The following HS1BP3 variants were observed in gnomAD, a reference collection of about 807,000 sequenced individuals.
HS1BP3 encodes the protein HCLS1 binding protein 3.
HS1BP3 carries 32 observed loss-of-function variants against 33.5 expected under a neutral mutation model. That is an observed-to-expected ratio of 0.95 (90% CI 0.72 to 1.28). HS1BP3 has a LOEUF of 1.28. Among genes scored for constraint, HS1BP3 ranks in the 50% most tolerant of loss-of-function variants. The pLI is 0.00. For synonymous variants in HS1BP3, 187 were observed against 209.2 expected, an observed-to-expected ratio of 0.89 and a Z score of 0.92; for missense variants, 486 against 502.3, an observed-to-expected ratio of 0.97 and a Z score of 0.31.
At chr2:20,554,944 A>G in the HS1BP3 span, among the ~76,000 whole-genome samples, 2 of 152,114 alleles carry the variant, frequency 1.3e-5, no homozygotes, top group Non-Finnish European at 2.9e-5. Flanking sequence ...CACCGTGGCC[A>G]CCTTTCCAGC....
chr2:20,642,514 C>T (rs1382254027), intron 2 of HS1BP3, among the ~76,000 whole-genome samples: 2 of 152,230 alleles, frequency 1.3e-5, no homozygotes, highest in Non-Finnish European at 2.9e-5. Context: ...ACACAGGCTC[C>T]GACAGCAGCT....
chr2:20,565,233 G>A (rs893538826), intron 5 of HS1BP3, among the ~76,000 whole-genome samples: 9 of 152,182 alleles, frequency 5.9e-5, no homozygotes, highest in African/African-American at 2.2e-4. Flanking sequence ...GGGATAAAAT[G>A]GGGTGAGGCC....
chr2:20,591,760 C>T (rs2149279330), downstream of HS1BP3, among the ~76,000 whole-genome samples: 1 of 152,240 alleles, frequency 6.6e-6, no homozygotes, highest in East Asian at 1.9e-4. Flanking sequence ...GACGTGGTTT[C>T]ATCATGTTGG....
At chr2:20,561,641 G>C (rs1693000301) in intron 5 of HS1BP3, among the ~76,000 whole-genome samples, 1 of 152,130 alleles carries the variant, frequency 6.6e-6, no homozygotes, top group Admixed American at 6.5e-5. Flanking sequence ...ATTTTATTGT[G>C]GCCAAATGGT....
chr2:20,606,937 C>A (rs1558332016), intron 2 of HS1BP3, among the ~76,000 whole-genome samples: 2 of 151,506 alleles, frequency 1.3e-5, no homozygotes, highest in South Asian at 2.1e-4. Context: ...CTTGGAAGCA[C>A]AAAAGTTTTT....
chr2:20,561,654 T>C (rs756524357), intron 5 of HS1BP3, among the ~76,000 whole-genome samples: 7 of 152,234 alleles, frequency 4.6e-5, no homozygotes, highest in Non-Finnish European at 5.9e-5. Flanking sequence ...CAAATGGTTC[T>C]GCCCCTCCGT....
chr2:20,577,391 G>A (rs1446171565), intron 5 of HS1BP3, among the ~76,000 whole-genome samples: 2 of 152,152 alleles, frequency 1.3e-5, no homozygotes, highest in African/African-American at 2.4e-5. Context: ...GGCTGGGGAA[G>A]AGCATGATTC....
intron 5 of HS1BP3, among the ~76,000 whole-genome samples, chr2:20,576,160 T>C (rs1693394831): frequency 6.6e-6 from 1 of 152,186 alleles, no homozygotes; most frequent in Non-Finnish European, 1.5e-5. Flanking sequence ...CTTTTAGTTT[T>C]TGTAGAGATA....
At chr2:20,622,104 G>C (rs1208252351) in intron 6 of HS1BP3, 2 of 1,035,152 alleles carry the variant, frequency 1.9e-6, no homozygotes, top group Admixed American at 3.4e-5. Flanking sequence ...GCCTCGACCC[G>C]CTCAGTGTAC....
At chr2:20,582,736 G>T (rs1693563722) in intron 5 of HS1BP3, among the ~76,000 whole-genome samples, 1 of 152,160 alleles carries the variant, frequency 6.6e-6, no homozygotes, top group Non-Finnish European at 1.5e-5. Flanking sequence ...ACAGTGGGAG[G>T]ATTGTCATGG....
intron 5 of HS1BP3, among the ~76,000 whole-genome samples, chr2:20,578,457 A>G (rs538662255): frequency 1.9e-4 from 29 of 152,322 alleles, no homozygotes; most frequent in Non-Finnish European, 3.4e-4. Context: ...CAGTGATGAC[A>G]CCATCTTTGG....
chr2:20,650,206 C>G (rs1408588514), intron 1 of HS1BP3, among the ~76,000 whole-genome samples: 1 of 152,228 alleles, frequency 6.6e-6, no homozygotes, highest in Non-Finnish European at 1.5e-5. Context: ...GGCTGGGTAA[C>G]ACGTTCATTT....
intron 3 of HS1BP3, 58 bp downstream of exon 3, chr2:20,640,915 G>T: frequency 1.3e-6 from 2 of 1,543,510 alleles, no homozygotes; most frequent in Non-Finnish European, 1.8e-6. Flanking sequence ...GGGCACGGCA[G>T]CGGGGCCTAG....
At chr2:20,564,913 G>A (rs529929119) in intron 5 of HS1BP3, among the ~76,000 whole-genome samples, 172 of 152,338 alleles carry the variant, frequency 1.1e-3, no homozygotes, top group Admixed American at 3.1e-3. Flanking sequence ...AGGACTCAGA[G>A]GGTGGCATCA....
intron 5 of HS1BP3, among the ~76,000 whole-genome samples, chr2:20,575,736 C>T (rs1451006735): frequency 7.1e-6 from 1 of 141,786 alleles, no homozygotes; most frequent in Non-Finnish European, 1.5e-5. Flanking sequence ...GGCCTGGCAG[C>T]AACGCCTCTG....
At chr2:20,620,590 A>T (rs1694565376) in intron 6 of HS1BP3, among the ~76,000 whole-genome samples, 1 of 152,210 alleles carries the variant, frequency 6.6e-6, no homozygotes, top group Non-Finnish European at 1.5e-5. Flanking sequence ...ACAGCACTGC[A>T]GGAGGAGAAC....
rs1475171397 is a variant in HS1BP3, at chr2:20,638,532, A to G, written c.527T>C (p.Val176Ala). The G allele has an allele frequency of 6.2e-7, 1 of 1,614,084 alleles. No individual in the cohort carries two copies. The highest frequency in any genetic ancestry group is 8.5e-7 in the Non-Finnish European group (1 of 1,180,040). Residue 176 changes from valine to alanine, a missense_variant, in exon 4 of 7, where the codon GTG becomes GCG. By Grantham distance (64) the Val-to-Ala change is moderately conservative (BLOSUM62 0). Transcript: ENST00000304031. Reference protein sequence around the residue: ...AFDFFEEQDQVAEEGPPVQSL... With the variant: ...AFDFFEEQDQAAEEGPPVQSL... ...CTGGACGGGCGGACCCTCTTCTGCC[A>G]CTTGGTCTTGCTCCTCAAAAAAGTC...
chr2:20,635,188 G>T (rs956741503), intron 4 of HS1BP3: 3 of 152,318 alleles, frequency 2.0e-5, no homozygotes, highest in Admixed American at 1.3e-4. Context: ...ATAGGGGAAG[G>T]CTCCATAGAA....
intron 4 of HS1BP3, among the ~76,000 whole-genome samples, chr2:20,633,430 TA>T (rs1230512466): frequency 1.3e-5 from 2 of 152,226 alleles, no homozygotes; most frequent in Admixed American, 1.3e-4. Flanking sequence ...CTACTGAATT[TA>T]AAAAGCAGAA....
Sources: allele counts gnomAD v4.1 joint callset (sites outside exome capture counted in the v4.1 genomes callset), GRCh38; gene constraint gnomAD v4.1.1; transcripts MANE v1.5; gene names NCBI Gene and HGNC (gene_info 2026-07-23, HGNC 2026-07-21).